TP63: variants seen among roughly 807,000 people sequenced by gnomAD.
The protein encoded by TP63 is tumor protein p63, also known as tumor protein 63.
TP63 carries 17 observed loss-of-function variants against 82.8 expected under a neutral mutation model. The ratio of observed to expected loss-of-function variants is 0.21; its 90% CI spans 0.14 to 0.31. The LOEUF (loss-of-function observed/expected upper bound fraction) is 0.31, where lower values mean the gene tolerates loss of function less well. TP63 is among the 10% of genes least tolerant of loss of function. The pLI is 1.00. For missense variants in TP63, 648 were observed against 895.3 expected, an observed-to-expected ratio of 0.72 and a Z score of 3.52; for synonymous variants, 330 against 321.7, an observed-to-expected ratio of 1.03 and a Z score of -0.28.
intron 1 of TP63, among the ~76,000 whole-genome samples, chr3:189,713,938 C>A (rs529237307): frequency 1.3e-5 from 2 of 152,110 alleles, no homozygotes; most frequent in African/African-American, 4.8e-5. Context: ...ATTTTTTGTT[C>A]AGTATGGAAA....
Position 189,850,154 on chromosome 3 carries a change from C to T in TP63, c.580-14078C>T, listed in dbSNP as rs748500429. On this transcript the variant is annotated intron_variant, in intron 4 of 13. Transcript: ENST00000264731. ...AAAATTAGCCAGAAGTGGTGGCACT[C>T]GCCTGTAGTCCCAGCTGTTTGGGAG... 5.3e-5 allele frequency among the ~76,000 whole-genome samples: 8 copies of T among 149,678 alleles called. 1 individual carries two copies. Among genetic ancestry groups the T allele is most frequent in the African/African-American group, 1.5e-4 (6 of 40,954 alleles).
At chr3:189,770,307 G>A (rs1191094963) in intron 3 of TP63, among the ~76,000 whole-genome samples, 1 of 152,144 alleles carries the variant, frequency 6.6e-6, no homozygotes, top group African/African-American at 2.4e-5. Context: ...GGCCGGGTAT[G>A]GTGACTCATG....
At chr3:189,873,252 C>A in intron 10 of TP63, 1 of 556,722 alleles carries the variant, frequency 1.8e-6, no homozygotes, top group Non-Finnish European at 3.2e-6. Context: ...GAAACTCACA[C>A]TAACAGTTCT....
At chr3:189,831,443 A>G (rs1712317420) in intron 4 of TP63, among the ~76,000 whole-genome samples, 1 of 152,022 alleles carries the variant, frequency 6.6e-6, no homozygotes, top group Admixed American at 6.6e-5. Flanking sequence ...TGCACAGGTC[A>G]TTTTCATTTC....
chr3:189,685,787 C>CGT (rs1392061986), intron 1 of TP63, among the ~76,000 whole-genome samples: 1 of 152,168 alleles, frequency 6.6e-6, no homozygotes, highest in East Asian at 1.9e-4. Flanking sequence ...TTCCAGTCAT[C>CGT]TTACCCCAGA....
At chr3:189,774,492 A>G (rs1723628727) in intron 3 of TP63, among the ~76,000 whole-genome samples, 1 of 152,170 alleles carries the variant, frequency 6.6e-6, no homozygotes, top group African/African-American at 2.4e-5. Flanking sequence ...CAGGAATTGT[A>G]TGTGCACCTG....
chr3:189,737,381 G>A (rs1386020046), intron 1 of TP63, among the ~76,000 whole-genome samples: 1 of 152,090 alleles, frequency 6.6e-6, no homozygotes, highest in Non-Finnish European at 1.5e-5. Flanking sequence ...TTTAATGATA[G>A]GTCAGGCTTG....
At chr3:189,774,953 C>T (rs1017607207) in intron 3 of TP63, among the ~76,000 whole-genome samples, 22 of 152,180 alleles carry the variant, frequency 1.4e-4, no homozygotes, top group Admixed American at 1.2e-3. Context: ...CATGGTGGCT[C>T]ACGCCTGTAA....
intron 1 of TP63, among the ~76,000 whole-genome samples, chr3:189,716,489 A>T (rs1156231047): frequency 6.6e-6 from 1 of 152,182 alleles, no homozygotes; most frequent in Non-Finnish European, 1.5e-5. Flanking sequence ...AGAATTTGCC[A>T]ATCATCTTTC....
chr3:189,689,948 G>C (rs187719130), intron 1 of TP63, among the ~76,000 whole-genome samples: 3 of 152,186 alleles, frequency 2.0e-5, no homozygotes, highest in African/African-American at 7.2e-5. Context: ...GTCTTAACAG[G>C]GAAAGTCCTT....
chr3:189,788,016 C>T (rs1724752886), intron 3 of TP63, among the ~76,000 whole-genome samples: 1 of 151,454 alleles, frequency 6.6e-6, no homozygotes, highest in Admixed American at 6.6e-5. Flanking sequence ...ACTGTTGACT[C>T]TTAAGCTGTC....
the TP63 span, among the ~76,000 whole-genome samples, chr3:189,606,112 A>G: frequency 6.6e-6 from 1 of 152,226 alleles, no homozygotes; most frequent in Non-Finnish European, 1.5e-5. Context: ...GGAAAGAAAC[A>G]TTGCTATTCA....
At chr3:189,765,433 C>CTTTTTTTTTCTTTTTTTTTT (rs1722874549) in intron 3 of TP63, among the ~76,000 whole-genome samples, 1 of 30,088 alleles carries the variant, frequency 3.3e-5, no homozygotes, top group Non-Finnish European at 5.9e-5. Flanking sequence ...CTGTCCTCTG[C>CTTTTTTTTTCTTTTTTTTTT]TTTTTTTTTT....
intron 4 of TP63, among the ~76,000 whole-genome samples, chr3:189,858,614 A>G (rs1716614466): frequency 2.0e-5 from 3 of 152,070 alleles, no homozygotes; most frequent in Admixed American, 6.6e-5. Flanking sequence ...ATCTCTACAA[A>G]AAACATACAC....
intron 1 of TP63, among the ~76,000 whole-genome samples, chr3:189,697,993 T>G (rs1201776226): frequency 6.6e-6 from 1 of 152,124 alleles, no homozygotes; most frequent in Non-Finnish European, 1.5e-5. Flanking sequence ...CAGTTTTATA[T>G]ATTTCTTCTC....
chr3:189,878,042 C>G (rs1253454109), intron 10 of TP63, among the ~76,000 whole-genome samples: 1 of 151,976 alleles, frequency 6.6e-6, no homozygotes, highest in Non-Finnish European at 1.5e-5. Context: ...TTGTTAGTTA[C>G]TTGGTATTTA....
chr3:189,689,712 T>C (rs75301834), intron 1 of TP63, among the ~76,000 whole-genome samples: 5,452 of 152,246 alleles, frequency 0.036, 142 homozygotes, highest in Non-Finnish European at 0.053. Flanking sequence ...TTACTGCTCA[T>C]TGTGGCAGTT....
chr3:189,810,393 A>G (rs964924106), intron 4 of TP63, among the ~76,000 whole-genome samples: 1 of 152,220 alleles, frequency 6.6e-6, no homozygotes, highest in Non-Finnish European at 1.5e-5. Flanking sequence ...GGTCTCCATT[A>G]TATTAGGAGT....
At chr3:189,727,709 C>T (rs1482997946) in intron 1 of TP63, among the ~76,000 whole-genome samples, 1 of 152,142 alleles carries the variant, frequency 6.6e-6, no homozygotes, top group African/African-American at 2.4e-5. Context: ...GTGGATGTTA[C>T]ATGCATTTTT....
Sources: allele counts gnomAD v4.1 joint callset (sites outside exome capture counted in the v4.1 genomes callset), GRCh38; gene constraint gnomAD v4.1.1; transcripts MANE v1.5; gene names NCBI Gene and HGNC (gene_info 2026-07-23, HGNC 2026-07-21).